Variants in ALKBH5 observed in about 807,000 individuals in gnomAD.
The protein encoded by ALKBH5 is alkB homolog 5, RNA demethylase, also known as RNA demethylase ALKBH5.
Under a neutral mutation model 32.1 loss-of-function variants are expected in ALKBH5, and 2 were observed. That is an observed-to-expected ratio of 0.06 (90% CI 0.03 to 0.20). The LOEUF (loss-of-function observed/expected upper bound fraction) is 0.20, where lower values mean the gene tolerates loss of function less well. ALKBH5 is among the 10% of genes least tolerant of loss of function. The pLI is 1.00. For synonymous variants in ALKBH5, 300 were observed against 231.7 expected, an observed-to-expected ratio of 1.29 and a Z score of -2.68; for missense variants, 352 against 559.5, an observed-to-expected ratio of 0.63 and a Z score of 3.74.
intron 2 of ALKBH5, among the ~76,000 whole-genome samples, chr17:18,199,938 A>G (rs1046218658): frequency 6.6e-6 from 1 of 151,922 alleles, no homozygotes; most frequent in African/African-American, 2.4e-5. Flanking sequence ...AAATTCTAAA[A>G]ATACAAGAAT....
chr17:18,202,082 C>T (rs1370604279), intron 2 of ALKBH5, among the ~76,000 whole-genome samples: 2 of 151,766 alleles, frequency 1.3e-5, no homozygotes, highest in Admixed American at 1.3e-4. Flanking sequence ...CTGAGGCGGG[C>T]GGATCGTGAG....
At chr17:18,194,578 A>G (rs2047195489) in intron 1 of ALKBH5, among the ~76,000 whole-genome samples, 1 of 152,210 alleles carries the variant, frequency 6.6e-6, no homozygotes, top group Non-Finnish European at 1.5e-5. Context: ...ACTCAGTGCT[A>G]TCAGTGGCTG....
intron 2 of ALKBH5, among the ~76,000 whole-genome samples, chr17:18,204,108 G>T (rs951862301): frequency 1.3e-5 from 2 of 152,194 alleles, no homozygotes; most frequent in Admixed American, 1.3e-4. Context: ...TATTTAGTCT[G>T]ATTTCTGCCA....
At position 18,184,026 on chromosome 17, in the gene ALKBH5, A is replaced by G. The variant is rs1157825035; in HGVS notation, c.-218A>G. ...CGGGACGTGGAGAAGGTGGAGGAGG[A>G]AGAAGCCCCGTTGTCGCCACCGTTG... On this transcript the variant is annotated 5_prime_UTR_variant, in exon 1 of 4. Transcript: ENST00000399138. 3.0e-6 allele frequency: 2 copies of G among 672,822 alleles called. No homozygotes were observed. Among genetic ancestry groups the G allele is most frequent in the Non-Finnish European group, 5.4e-6 (2 of 369,880 alleles). 41.7% of individuals were successfully genotyped at this position (672,822 alleles called of 1,614,324 possible).
intron 2 of ALKBH5, 102 bp from the exon 3 acceptor site, chr17:18,206,713 G>A (rs776816158): frequency 3.0e-5 from 40 of 1,329,162 alleles, no homozygotes; most frequent in Non-Finnish European, 3.9e-5. Flanking sequence ...CTGGCTTCCA[G>A]GTCTAGCTGG....
chr17:18,190,454 G>A (rs1597836920), intron 1 of ALKBH5, among the ~76,000 whole-genome samples: 2 of 151,680 alleles, frequency 1.3e-5, no homozygotes, highest in East Asian at 1.9e-4. Flanking sequence ...GGAGGCTGAG[G>A]CAGAGAATTG....
At chr17:18,187,300 A>G (rs2047144929) in intron 1 of ALKBH5, among the ~76,000 whole-genome samples, 2 of 152,070 alleles carry the variant, frequency 1.3e-5, no homozygotes, top group South Asian at 4.1e-4. Flanking sequence ...CTGCAGTAGC[A>G]GGAGTAGCCA....
chr17:18,184,277 G>C lies in ALKBH5; in HGVS notation c.34G>C (p.Glu12Gln). ...CGCCAGCGGCTACACGGACCTGCGT[G>C]AGAAGCTCAAGTCCATGACGTCCCG... ...AAASGYTDLR[E>Q]KLKSMTSRDN... Residue 12 changes from glutamate to glutamine, a missense_variant, in exon 1 of 4, where the codon GAG becomes CAG. By Grantham distance (29) the Glu-to-Gln change is conservative. Transcript: ENST00000399138. The C allele has an allele frequency of 6.6e-7, 1 of 1,525,272 alleles. No individual in the cohort carries two copies. The highest frequency in any genetic ancestry group is 8.8e-7 in the Non-Finnish European group (1 of 1,139,808). The allele number at this position is 1,525,272 out of a possible 1,614,324, so 94.5% of individuals were successfully genotyped here.
chr17:18,196,880 A>G (rs1168002511), intron 2 of ALKBH5, among the ~76,000 whole-genome samples: 2 of 152,116 alleles, frequency 1.3e-5, no homozygotes, highest in South Asian at 2.1e-4. Context: ...CATTTATTCA[A>G]TCATTTATTT....
intron 3 of ALKBH5, 124 bp downstream of exon 3, chr17:18,207,094 C>T (rs1012409061): frequency 7.7e-7 from 1 of 1,304,220 alleles, no homozygotes; most frequent in Non-Finnish European, 1.0e-6. Context: ...AACCTTATGT[C>T]TGGTTCCTCT....
chr17:18,187,043 A>G (rs2047143694), intron 1 of ALKBH5, among the ~76,000 whole-genome samples: 1 of 152,088 alleles, frequency 6.6e-6, no homozygotes, highest in Non-Finnish European at 1.5e-5. Flanking sequence ...TGGGGAAGGA[A>G]CTAGGGATTT....
intron 1 of ALKBH5, 46 bp from the exon 2 acceptor site, chr17:18,194,909 T>TTGTC: frequency 6.3e-7 from 1 of 1,585,784 alleles, no homozygotes; most frequent in African/African-American, 1.3e-5. Flanking sequence ...GGAACTTTGG[T>TTGTC]TGTCTGTCTA....
intron 2 of ALKBH5, among the ~76,000 whole-genome samples, chr17:18,200,711 G>T (rs183658653): frequency 5.3e-5 from 8 of 152,306 alleles, no homozygotes; most frequent in Admixed American, 5.2e-4. Flanking sequence ...CCACCTGAAG[G>T]TAGTCAAGGA....
chr17:18,200,910 C>T (rs934248049), intron 2 of ALKBH5, among the ~76,000 whole-genome samples: 6 of 152,168 alleles, frequency 3.9e-5, no homozygotes, highest in South Asian at 2.1e-4. Context: ...ATGTTAAGCG[C>T]GCTGGGGAGC....
At chr17:18,187,919 C>T (rs777967772) in intron 1 of ALKBH5, among the ~76,000 whole-genome samples, 2 of 152,066 alleles carry the variant, frequency 1.3e-5, no homozygotes, top group Admixed American at 6.6e-5. Flanking sequence ...CCTCTAAGAC[C>T]GCATGGCAAG....
intron 1 of ALKBH5, 21 bp downstream of exon 1, chr17:18,185,034 G>A: frequency 6.3e-7 from 1 of 1,594,890 alleles, no homozygotes; most frequent in Non-Finnish European, 8.5e-7. Context: ...CGGGTGGAGG[G>A]GGCGGCCCTG....
rs1415662828 is a variant in ALKBH5, at chr17:18,183,956, C to T, written c.-288C>T. 3.3e-6 allele frequency: 2 copies of T among 610,840 alleles called. No homozygotes were observed. Among genetic ancestry groups the T allele is most frequent in the South Asian group, 3.1e-5 (2 of 64,344 alleles). The allele number at this position is 610,840 out of a possible 1,614,324, so 37.8% of individuals were successfully genotyped here. A position where few individuals can be genotyped will look rare whatever the true frequency, so the allele number is the denominator to read the frequency against. ...GGTCGGGAGTCGGGCCGCGTCTCCG[C>T]AGCAGCCCTCCGCGGCATGAGGCGC... On this transcript the variant is annotated 5_prime_UTR_variant, in exon 1 of 4. Transcript: ENST00000399138.
At chr17:18,190,328 T>A (rs923288597) in intron 1 of ALKBH5, among the ~76,000 whole-genome samples, 10 of 152,132 alleles carry the variant, frequency 6.6e-5, no homozygotes, top group African/African-American at 2.4e-4. Context: ...GGCGGGTGGA[T>A]CACCTGAGGT....
rs1026328582 is a variant in ALKBH5 at position 18,208,528 on chromosome 17, T to C, written c.*132T>C. The C allele has an allele frequency of 2.5e-5, 28 of 1,125,874 alleles. No individual in the cohort carries two copies. Among genetic ancestry groups the C allele is most frequent in the Non-Finnish European group, 3.5e-5 (27 of 775,988 alleles). 69.7% of individuals were successfully genotyped at this position (1,125,874 alleles called of 1,614,324 possible). ...TTTTTGTTTTTTTTGATTCTATATA[T>C]TTTTCCTTGGTTTTGTTGCCTGTTA... is the stretch of plus-strand genomic sequence containing the variant. On this transcript the variant is annotated 3_prime_UTR_variant, in exon 4 of 4. Coordinates refer to ENST00000399138, the MANE Select transcript of ALKBH5 (RefSeq NM_017758.4).
Sources: gnomAD v4.1 joint callset for allele counts (sites outside exome capture counted in the v4.1 genomes callset) on GRCh38, gnomAD v4.1.1 for gene constraint, MANE v1.5 for transcripts, NCBI Gene and HGNC (gene_info 2026-07-23, HGNC 2026-07-21) for gene names.